TGFBR1: variants seen among roughly 807,000 people sequenced by gnomAD.
The protein encoded by TGFBR1 is TGF-beta receptor type-1.
Under a neutral mutation model 55.1 loss-of-function variants are expected in TGFBR1, and 20 were observed. That is an observed-to-expected ratio of 0.36 (90% CI 0.26 to 0.53). The LOEUF is 0.53. TGFBR1 is among the 20% of genes least tolerant of loss of function. TGFBR1 has a pLI of 0.91. For synonymous variants in TGFBR1, 220 were observed against 214.8 expected (o/e 1.02, Z -0.21); for missense variants, 385 against 617.6 (o/e 0.62, Z 3.99).
At chr9:99,120,165 A>G (rs1320311339) in intron 1 of TGFBR1, among the ~76,000 whole-genome samples, 1 of 152,226 alleles carries the variant, frequency 6.6e-6, no homozygotes, top group Non-Finnish European at 1.5e-5. Flanking sequence ...AAATAAGTTA[A>G]GTGACTTCCT....
chr9:99,145,488 T>G (rs1489322272), intron 6 of TGFBR1, among the ~76,000 whole-genome samples: 3 of 152,214 alleles, frequency 2.0e-5, no homozygotes, highest in African/African-American at 7.2e-5. Context: ...TGCCTATATA[T>G]TCTATTAGGT....
At position 99,128,794 on chromosome 9, in the gene TGFBR1, A is replaced by G. The variant is rs761211995; in HGVS notation, c.98-61A>G. On this transcript the variant is annotated intron_variant, in intron 1 of 8. Coordinates refer to ENST00000374994, the MANE Select transcript of TGFBR1 (RefSeq NM_004612.4). ...TCAAGAATGTATTATTAGAGTGAAT[A>G]TTGGATAATTTCAAACTGTTAACCT... is the stretch of plus-strand genomic sequence containing the variant. The G allele has an allele frequency of 6.9e-6, 11 of 1,592,262 alleles. No individual in the cohort carries two copies. The Admixed American group carries it at 1.2e-4, about 17-fold the overall frequency.
chr9:99,116,175 T>TA (rs33959088), intron 1 of TGFBR1, among the ~76,000 whole-genome samples: 7,355 of 141,354 alleles, frequency 0.052, 639 homozygotes, highest in East Asian at 0.42. Flanking sequence ...ACTTTATTCT[T>TA]AAAAAAAAAA....
At chr9:99,128,799 A>G in intron 1 of TGFBR1, 56 bp from the exon 2 acceptor site, 1 of 1,601,434 alleles carries the variant, frequency 6.2e-7, no homozygotes, top group Non-Finnish European at 8.5e-7. Flanking sequence ...TGAATATTGG[A>G]TAATTTCAAA....
chr9:99,137,113 C>T (rs1207866027), intron 3 of TGFBR1, among the ~76,000 whole-genome samples: 1 of 152,104 alleles, frequency 6.6e-6, no homozygotes, highest in East Asian at 1.9e-4. Context: ...AAAAACAGTG[C>T]TCCATTACCA....
At position 99,152,175 on chromosome 9, in the gene TGFBR1, G is replaced by T; in HGVS notation, c.*2870G>T. The stretch of plus-strand genomic sequence containing the variant: ...TAGAGTAAAACGGCTGATGGAAGTT[G>T]TGGGACCCACTTCCATTTCCTTCAG... On this transcript the variant is annotated 3_prime_UTR_variant, in exon 9 of 9. Transcript: ENST00000374994. 4.8e-6 allele frequency: 1 copy of T among 207,260 alleles called. No individual in the cohort carries two copies. Among genetic ancestry groups the T allele is most frequent in the Non-Finnish European group, 9.8e-6 (1 of 101,558 alleles). 12.8% of individuals were successfully genotyped at this position (207,260 alleles called of 1,614,324 possible). A position where few individuals can be genotyped will look rare whatever the true frequency, so the allele number is the denominator to read the frequency against.
chr9:99,130,866 C>T (rs1827201450), intron 2 of TGFBR1, among the ~76,000 whole-genome samples: 1 of 152,032 alleles, frequency 6.6e-6, no homozygotes, highest in South Asian at 2.1e-4. Flanking sequence ...AAGAAAAGCC[C>T]AACTGATGAA....
intron 1 of TGFBR1, among the ~76,000 whole-genome samples, chr9:99,123,893 G>A (rs1000741153): frequency 4.6e-5 from 7 of 152,090 alleles, no homozygotes; most frequent in African/African-American, 9.7e-5. Context: ...ATTTATGTTC[G>A]TTTCCAAATG....
chr9:99,118,445 G>A (rs1826809665), intron 1 of TGFBR1, among the ~76,000 whole-genome samples: 1 of 151,954 alleles, frequency 6.6e-6, no homozygotes, highest in African/African-American at 2.4e-5. Flanking sequence ...CTACTTTTAT[G>A]CCTTTTATTT....
chr9:99,120,958 T>C (rs549920982), intron 1 of TGFBR1, among the ~76,000 whole-genome samples: 115 of 152,190 alleles, frequency 7.6e-4, no homozygotes, highest in Non-Finnish European at 1.1e-3. Context: ...TTCTCTGATA[T>C]CAGTTAACAT....
intron 7 of TGFBR1, 134 bp downstream of exon 7, chr9:99,146,743 C>G (rs1297454168): frequency 1.4e-6 from 2 of 1,389,928 alleles, no homozygotes. Context: ...CCAGAGAAAA[C>G]AAAGGCGATG....
intron 1 of TGFBR1, among the ~76,000 whole-genome samples, chr9:99,122,628 A>G (rs1826929067): frequency 6.6e-6 from 1 of 152,100 alleles, no homozygotes; most frequent in East Asian, 1.9e-4. Flanking sequence ...ACTAACTGTC[A>G]CCATGCTAAC....
chr9:99,134,010 A>G (rs983668758), intron 3 of TGFBR1, among the ~76,000 whole-genome samples: 3 of 151,988 alleles, frequency 2.0e-5, no homozygotes, highest in Non-Finnish European at 4.4e-5. Context: ...AAAAAAAAAA[A>G]AAAAAAATTT....
At position 99,144,795 on chromosome 9, in the gene TGFBR1, C is replaced by A; in HGVS notation, c.1037C>A (p.Thr346Asn). ...SKNILVKKNG[T>N]CCIADLGLAV... ...AATATCTTGGTAAAGAAGAATGGAACTTGCTGTATTGCAGACTTAGGACTG... is the reference window on the plus strand; with the variant it reads ...AATATCTTGGTAAAGAAGAATGGAAATTGCTGTATTGCAGACTTAGGACTG... Residue 346 changes from threonine to asparagine, a missense_variant, in exon 6 of 9, where the codon ACT (threonine) becomes AAT (asparagine). Transcript: ENST00000374994. 1 of 1,613,988 alleles carries A rather than the reference C, an allele frequency of 6.2e-7. No individual in the cohort carries two copies. Among genetic ancestry groups the A allele is most frequent in the South Asian group, 1.1e-5 (1 of 91,084 alleles).
intron 4 of TGFBR1, 123 bp from the exon 5 acceptor site, chr9:99,142,412 CA>C: frequency 9.9e-7 from 1 of 1,014,914 alleles, no homozygotes; most frequent in Non-Finnish European, 1.5e-6. Flanking sequence ...GAAGGAAATA[CA>C]GACTTAAGGT....
intron 4 of TGFBR1, among the ~76,000 whole-genome samples, chr9:99,139,995 GT>G (rs1827560907): frequency 6.6e-6 from 1 of 152,132 alleles, no homozygotes; most frequent in Non-Finnish European, 1.5e-5. Context: ...CCTAATTGGA[GT>G]TTTATTGGTT....
In TGFBR1 at chr9:99,150,158, A is replaced by G. The variant is rs1315984960; in HGVS notation, c.*853A>G. On this transcript the variant is annotated 3_prime_UTR_variant, in exon 9 of 9. Coordinates refer to ENST00000374994, the MANE Select transcript of TGFBR1 (RefSeq NM_004612.4). ...CCTACCAAAATGTGCTTAAGCCACT[A>G]AAGAAATGAAGTGGCATTAATTAGT... is the stretch of plus-strand genomic sequence containing the variant. The G allele has an allele frequency of 3.2e-5, 6 of 189,380 alleles. No individual in the cohort carries two copies. The highest frequency in any genetic ancestry group is 6.2e-5 in the Admixed American group (1 of 16,218). The allele number at this position is 189,380 out of a possible 1,614,324, so 11.7% of individuals were successfully genotyped here.
chr9:99,112,482 T>C (rs182549371), intron 1 of TGFBR1, among the ~76,000 whole-genome samples: 2 of 152,364 alleles, frequency 1.3e-5, no homozygotes, highest in East Asian at 3.9e-4. Flanking sequence ...TTACTTATCA[T>C]ATGTACTTAT....
rs1828032880 is a variant in TGFBR1 at position 99,153,652 on chromosome 9, G to A, written c.*4347G>A. The A allele has an allele frequency of 5.1e-6, 1 of 197,612 alleles. No individual in the cohort carries two copies. The highest frequency in any genetic ancestry group is 1.9e-4 in the South Asian group (1 of 5,226). 12.2% of individuals were successfully genotyped at this position (197,612 alleles called of 1,614,324 possible). A position where few individuals can be genotyped will look rare whatever the true frequency, so the allele number is the denominator to read the frequency against. ...CAAATAAATTACATTTTTCCCAAGT[G>A]CCAGTGGCATATTTTAAAATAAAGT... On this transcript the variant is annotated 3_prime_UTR_variant, in exon 9 of 9. Transcript: ENST00000374994.
Sources: gnomAD v4.1 joint callset for allele counts (sites outside exome capture counted in the v4.1 genomes callset) on GRCh38, gnomAD v4.1.1 for gene constraint, MANE v1.5 for transcripts, NCBI Gene and HGNC (gene_info 2026-07-23, HGNC 2026-07-21) for gene names.